Variants in BMPR2 observed in about 807,000 individuals in gnomAD.
BMPR2 encodes the protein bone morphogenetic protein receptor type 2.
In BMPR2, 29 loss-of-function variants were observed where a neutral mutation model predicts 100.8. That is an observed-to-expected ratio of 0.29 (90% CI 0.21 to 0.39). BMPR2 has a LOEUF of 0.39. Among genes scored for constraint, BMPR2 ranks in the 10% least tolerant of loss-of-function variants. BMPR2 has a pLI of 1.00. For synonymous variants in BMPR2, 382 were observed against 442.3 expected (o/e 0.86, Z 1.71); for missense variants, 1,011 against 1,274.5 (o/e 0.79, Z 3.15).
At chr2:202,541,330 G>A (rs1038869490) in intron 9 of BMPR2, among the ~76,000 whole-genome samples, 2 of 152,026 alleles carry the variant, frequency 1.3e-5, no homozygotes, top group Non-Finnish European at 2.9e-5. Context: ...TGTAGTCTTA[G>A]CTATTAGGGA....
At position 202,467,616 on chromosome 2, in the gene BMPR2, C is replaced by T. The variant is rs1477702801; in HGVS notation, c.345C>T (p.Phe115=). 3 of 1,608,388 alleles carry T rather than the reference C, an allele frequency of 1.9e-6. No homozygotes were observed. In the African/African-American group the frequency reaches 4.0e-5, roughly 22 times the overall value. ...PPSIQNGTYR[F]CCCSTDLCNV... is the part of the protein sequence containing the mutation. The stretch of plus-strand genomic sequence containing the variant: ...CAATTCAGAATGGAACATACCGTTT[C>T]TGCTGTTGTAGCACAGATTTATGTA... The change falls in exon 3 of 13, where the codon TTC becomes TTT. Residue 115 remains phenylalanine (F), a synonymous_variant. Transcript: ENST00000374580.
chr2:202,491,650 C>T (rs1692905537), intron 3 of BMPR2, among the ~76,000 whole-genome samples: 1 of 152,020 alleles, frequency 6.6e-6, no homozygotes, highest in Non-Finnish European at 1.5e-5. Context: ...GAGATCCACC[C>T]GCCTCAGCCT....
chr2:202,540,540 T>C (rs1461638270), intron 9 of BMPR2, among the ~76,000 whole-genome samples: 1 of 152,230 alleles, frequency 6.6e-6, no homozygotes, highest in East Asian at 1.9e-4. Context: ...ACTTGGGCGA[T>C]GCTGCACAGA....
chr2:202,471,137 C>T (rs1692429517), intron 3 of BMPR2, among the ~76,000 whole-genome samples: 1 of 152,202 alleles, frequency 6.6e-6, no homozygotes, highest in Non-Finnish European at 1.5e-5. Flanking sequence ...CAGGAGCCAG[C>T]TGGAAGGAAC....
chr2:202,503,638 T>C lies in BMPR2; in HGVS notation c.419-10081T>C, dbSNP rs1477946761. On this transcript the variant is annotated intron_variant, in intron 3 of 12. Transcript: ENST00000374580. This position sits in a 1 kb window ranked among gnomAD's most constrained non-coding sequence, Gnocchi z 4.0. ...AGGGCTCGGGACCTGCAGCCCGCCA[T>C]GCCTGAGCCTCCCACCCCCTCCATG... 1.3e-5 allele frequency among the ~76,000 whole-genome samples: 2 copies of C among 152,190 alleles called. No homozygotes were observed. Among genetic ancestry groups the C allele is most frequent in the Non-Finnish European group, 2.9e-5 (2 of 68,026 alleles).
At chr2:202,441,173 G>T (rs1176904787) in intron 1 of BMPR2, among the ~76,000 whole-genome samples, 2 of 149,612 alleles carry the variant, frequency 1.3e-5, no homozygotes, top group Non-Finnish European at 2.9e-5. Flanking sequence ...TGGAGATGGG[G>T]TTTCACTGTG....
chr2:202,419,128 C>G (rs1186881838), intron 1 of BMPR2, among the ~76,000 whole-genome samples: 5 of 152,050 alleles, frequency 3.3e-5, no homozygotes, highest in Admixed American at 3.3e-4. Context: ...AGAGTTTAGT[C>G]CTCAGATGGC....
chr2:202,399,383 C>T (rs976079011), intron 1 of BMPR2, among the ~76,000 whole-genome samples: 3 of 151,888 alleles, frequency 2.0e-5, no homozygotes, highest in South Asian at 2.1e-4. Context: ...AGAAAGAGCT[C>T]GATATTTCAC....
chr2:202,474,545 G>A (rs1414960931), intron 3 of BMPR2, among the ~76,000 whole-genome samples: 1 of 152,086 alleles, frequency 6.6e-6, no homozygotes, highest in Non-Finnish European at 1.5e-5. Context: ...TTTTGAGGCG[G>A]AGTCTCGCTC....
intron 3 of BMPR2, among the ~76,000 whole-genome samples, chr2:202,484,961 T>C (rs1574472346): frequency 9.3e-6 from 1 of 107,534 alleles, no homozygotes; most frequent in African/African-American, 3.6e-5. Context: ...AGAGTGAGAC[T>C]CCGTCTCAAA....
chr2:202,526,896 C>G (rs553162188), intron 7 of BMPR2, among the ~76,000 whole-genome samples: 2 of 152,148 alleles, frequency 1.3e-5, no homozygotes, highest in East Asian at 3.9e-4. Flanking sequence ...TGGAGTCTCA[C>G]TCTGTTGCCC....
chr2:202,482,967 G>A (rs537268214), intron 3 of BMPR2, among the ~76,000 whole-genome samples: 1 of 152,192 alleles, frequency 6.6e-6, no homozygotes, highest in East Asian at 1.9e-4. Flanking sequence ...GAACCACTAC[G>A]CCTGGCCTAG....
chr2:202,454,342 A>G (rs990158541), intron 1 of BMPR2, among the ~76,000 whole-genome samples: 2 of 152,204 alleles, frequency 1.3e-5, no homozygotes, highest in Non-Finnish European at 2.9e-5. Flanking sequence ...AAGTGCTGAG[A>G]TTACTGGGGT....
chr2:202,539,882 A>G (rs1394647659), intron 9 of BMPR2, among the ~76,000 whole-genome samples: 2 of 152,156 alleles, frequency 1.3e-5, no homozygotes, highest in East Asian at 3.8e-4. Flanking sequence ...GTTCTAAAGA[A>G]AATGAGATTA....
rs187242514 is a variant in BMPR2, at chr2:202,393,809, T to G, written c.76+16259T>G. Reference sequence around the variant, plus strand: ...GATTCTTGAAATCTTTTCAAGCCCATTTTACTTATTTAGGTCACTAATTAT... The same window carrying G: ...GATTCTTGAAATCTTTTCAAGCCCAGTTTACTTATTTAGGTCACTAATTAT... On this transcript the variant is annotated intron_variant, in intron 1 of 12. Coordinates refer to ENST00000374580, the MANE Select transcript of BMPR2 (RefSeq NM_001204.7). 9.8e-4 allele frequency among the ~76,000 whole-genome samples: 149 copies of G among 151,696 alleles called. 1 individual carries two copies. Among genetic ancestry groups the G allele is most frequent in the African/African-American group, 3.4e-3 (139 of 41,392 alleles).
chr2:202,401,148 T>C (rs1268843835), intron 1 of BMPR2, among the ~76,000 whole-genome samples: 1 of 152,154 alleles, frequency 6.6e-6, no homozygotes, highest in African/African-American at 2.4e-5. Context: ...GCAAATGTCT[T>C]TTGTTTGCAT....
At chr2:202,401,582 C>G (rs550244797) in intron 1 of BMPR2, among the ~76,000 whole-genome samples, 1 of 152,254 alleles carries the variant, frequency 6.6e-6, no homozygotes, top group African/African-American at 2.4e-5. Flanking sequence ...AATACTTAGT[C>G]TTTTACTTGG....
intron 1 of BMPR2, among the ~76,000 whole-genome samples, chr2:202,408,273 A>C (rs1690944614): frequency 6.6e-6 from 1 of 152,212 alleles, no homozygotes; most frequent in Non-Finnish European, 1.5e-5. Flanking sequence ...AGTGCTTTTT[A>C]CTTTTGCAGT....
intron 7 of BMPR2, among the ~76,000 whole-genome samples, chr2:202,522,911 G>A (rs34807562): frequency 0.13 from 19,251 of 152,072 alleles, 1,291 homozygotes; most frequent in Admixed American, 0.14. Context: ...CTTAGAAAAT[G>A]TTCTTTTCAA....
Sources: gnomAD v4.1 joint callset for allele counts (sites outside exome capture counted in the v4.1 genomes callset) on GRCh38, gnomAD v4.1.1 for gene constraint, Gnocchi (gnomAD v3.1) non-coding constraint, MANE v1.5 for transcripts, NCBI Gene and HGNC (gene_info 2026-07-23, HGNC 2026-07-21) for gene names.